The following CORO7 variants were observed in gnomAD, a reference collection of about 807,000 sequenced individuals.
CORO7 encodes coronin-7.
Under a neutral mutation model 126.6 loss-of-function variants are expected in CORO7, and 107 were observed. The ratio of observed to expected loss-of-function variants is 0.85; its 90% CI spans 0.72 to 0.99. The LOEUF (loss-of-function observed/expected upper bound fraction) is 0.99. Among genes scored for constraint, CORO7 ranks in the 50% least tolerant of loss-of-function variants. The pLI, the probability that CORO7 is intolerant of heterozygous loss-of-function variation, is 0.00. For synonymous variants in CORO7, 603 were observed against 536.8 expected (o/e 1.12, Z -1.70); for missense variants, 1,314 against 1,255.8 (o/e 1.05, Z -0.70).
chr16:4,376,745 C>T (rs1295618171), intron 9 of CORO7, among the ~76,000 whole-genome samples: 1 of 152,268 alleles, frequency 6.6e-6, no homozygotes, highest in Admixed American at 6.5e-5. Context: ...TCCCTGAAGT[C>T]CTGTGCTGAA....
intron 26 of CORO7, chr16:4,356,725 G>C (rs1451650307): frequency 4.8e-6 from 1 of 207,254 alleles, no homozygotes; most frequent in African/African-American, 2.4e-5. Context: ...GAACCACCGT[G>C]CCCGGCCTCA....
intron 7 of CORO7, among the ~76,000 whole-genome samples, chr16:4,390,299 T>C (rs1245084209): frequency 1.3e-5 from 2 of 152,168 alleles, no homozygotes; most frequent in Non-Finnish European, 2.9e-5. Flanking sequence ...AATTTACTTT[T>C]TTTTTTTAAC....
Position 4,395,264 on chromosome 16 carries a change from ACCCCAGCTTGC to A in CORO7, c.615+14_615+24del, listed in dbSNP as rs1411088374. ...TCAGCCTCAGTGGAGGCTTCAACCC[ACCCCAGCTTGC>A]CCACACAACTCACCTGAGAGGCCCG... On this transcript the variant is annotated intron_variant, in intron 7 of 27. Coordinates refer to ENST00000251166, the MANE Select transcript of CORO7 (RefSeq NM_024535.5). The A allele has an allele frequency of 6.2e-7, 1 of 1,613,390 alleles. No homozygotes were observed. The highest frequency in any genetic ancestry group is 1.7e-5 in the Admixed American group (1 of 59,952).
chr16:4,356,950 G>C, intron 26 of CORO7: 2 of 633,562 alleles, frequency 3.2e-6, no homozygotes, highest in Non-Finnish European at 5.4e-6. Flanking sequence ...GCTGGGTTTG[G>C]CCTGGCCAGG....
At chr16:4,384,058 C>T (rs997619018) in intron 9 of CORO7, among the ~76,000 whole-genome samples, 1 of 152,252 alleles carries the variant, frequency 6.6e-6, no homozygotes, top group Non-Finnish European at 1.5e-5. Context: ...TGCTCCCTGC[C>T]TCCTGCCCCT....
rs2054166107 is a variant in CORO7 at position 4,361,167 on chromosome 16, A to G, written c.1769T>C (p.Leu590Pro). The G allele has an allele frequency of 4.3e-6, 7 of 1,612,974 alleles. No individual in the cohort carries two copies. Among genetic ancestry groups the G allele is most frequent in the Non-Finnish European group, 5.1e-6 (6 of 1,180,004 alleles). Residue 590 changes from leucine to proline, a missense_variant, in exon 18 of 28, where the codon CTC becomes CCC. Leu to Pro is a moderately conservative substitution (Grantham distance 98). Transcript: ENST00000251166. ...EEVLTTPETVLTGHTEKICSL... is the reference protein window; with the variant it reads ...EEVLTTPETVPTGHTEKICSL... ...CATTCCTGAGCCTGCCTGACCTGTG[A>G]GCACAGTCTCTGGCGTGGTGAGCAC... is the stretch of plus-strand genomic sequence containing the variant.
At chr16:4,367,447 A>C (rs1374746156) in intron 9 of CORO7, among the ~76,000 whole-genome samples, 1 of 152,202 alleles carries the variant, frequency 6.6e-6, no homozygotes, top group Non-Finnish European at 1.5e-5. Context: ...CTCGACCTGC[A>C]TGTAGGTATG....
chr16:4,382,257 A>G (rs749184252), intron 9 of CORO7: 17 of 1,608,142 alleles, frequency 1.1e-5, no homozygotes, highest in Non-Finnish European at 1.4e-5. Flanking sequence ...CGCCGAGGCC[A>G]CCACGGTCCC....
Position 4,412,443 on chromosome 16 carries a change from C to T in CORO7, c.158-13G>A, listed in dbSNP as rs2141334763. 1 of 1,614,054 alleles carries T rather than the reference C, an allele frequency of 6.2e-7. No homozygotes were observed. Among genetic ancestry groups the T allele is most frequent in the Non-Finnish European group, 8.5e-7 (1 of 1,179,950 alleles). On this transcript the variant is annotated splice_polypyrimidine_tract_variant and intron_variant, in intron 2 of 27. Transcript: ENST00000251166. Reference sequence around the variant, plus strand: ...ATGCCCAGTACACCTGTTAAACAAACACGGGGACTCTGACTTCAGGCCCCA... The same window carrying T: ...ATGCCCAGTACACCTGTTAAACAAATACGGGGACTCTGACTTCAGGCCCCA...
Position 4,388,545 on chromosome 16 carries a change from C to T in CORO7, c.702G>A (p.Gln234=). 3 of 1,612,024 alleles carry T rather than the reference C, an allele frequency of 1.9e-6. No individual in the cohort carries two copies. In the South Asian group the frequency reaches 3.3e-5, roughly 18 times the overall value. ...WEHLVSTGFN[Q]MREREVKLWD... ...TGCTCCTCCAGGAGGAACCCCCTACCTGGTTGAATCCAGTAGACACAAGGT... is the reference window on the plus strand; with the variant it reads ...TGCTCCTCCAGGAGGAACCCCCTACTTGGTTGAATCCAGTAGACACAAGGT... The change falls in exon 8 of 28, where the codon CAG becomes CAA. Residue 234 remains glutamine (Q), a splice_region_variant and synonymous_variant. Coordinates refer to ENST00000251166, the MANE Select transcript of CORO7 (RefSeq NM_024535.5).
intron 9 of CORO7, among the ~76,000 whole-genome samples, chr16:4,386,747 C>T (rs1235109007): frequency 1.3e-5 from 2 of 152,218 alleles, no homozygotes; most frequent in Non-Finnish European, 2.9e-5. Context: ...ATGGGCCTTG[C>T]CAGCTTCTCA....
intron 1 of CORO7, chr16:4,415,909 G>A (rs2056391895): frequency 1.2e-5 from 12 of 985,750 alleles, no homozygotes; most frequent in South Asian, 4.7e-5. Flanking sequence ...AAGAGCTTGC[G>A]CCAGCGGCGA....
In CORO7 at chr16:4,361,382, C is replaced by T. The variant is rs201620163; in HGVS notation, c.1666G>A (p.Asp556Asn). The T allele has an allele frequency of 6.2e-7, 1 of 1,612,394 alleles. No homozygotes were observed. Among genetic ancestry groups the T allele is most frequent in the African/African-American group, 1.3e-5 (1 of 75,042 alleles). The change falls in exon 17 of 28, where the codon GAC becomes AAC. Residue 556 changes from aspartate to asparagine, a missense_variant. Coordinates refer to ENST00000251166, the MANE Select transcript of CORO7 (RefSeq NM_024535.5). ...AVTDLAWDPF[D>N]PHRLAVAGED... ...TTACCCACAGCGAGGCGATGGGGGT[C>T]AAAGGGGTCCCAGGCCAGATCAGTC...
Position 4,358,427 on chromosome 16 carries a change from C to T in CORO7, c.2397G>A (p.Arg799=). 6.2e-7 allele frequency: 1 copy of T among 1,612,346 alleles called. No homozygotes were observed. Among genetic ancestry groups the T allele is most frequent in the Non-Finnish European group, 8.5e-7 (1 of 1,179,542 alleles). Residue 799 remains arginine (R), a synonymous_variant, in exon 24 of 28, where the codon CGG becomes CGA. Coordinates refer to ENST00000251166, the MANE Select transcript of CORO7 (RefSeq NM_024535.5). ...ECDVREVELM[R]CLRLRQSSLE... ...GGGAGGACTGACGCAGCCGCAGGCA[C>T]CGCATCAGCTCCACTTCCCGCACGT... is the stretch of plus-strand genomic sequence containing the variant.
rs749972074 is a variant in CORO7, at chr16:4,416,504, C to A, written c.15G>T (p.Arg5Ser). 19 of 1,580,458 alleles carry A rather than the reference C, an allele frequency of 1.2e-5. 1 individual carries two copies. The African/African-American group carries it at 2.0e-4, about 16-fold the overall frequency. The change falls in exon 1 of 28, where the codon AGG becomes AGT. Residue 5 changes from arginine (R) to serine (S), a missense_variant. Coordinates refer to ENST00000251166, the MANE Select transcript of CORO7 (RefSeq NM_024535.5). Reference sequence around the variant, plus strand: ...CCTCGGTGTGCCGGAACTTGGACACCCTGAAGCGGTTCATGGCGACGGGCA... The same window carrying A: ...CCTCGGTGTGCCGGAACTTGGACACACTGAAGCGGTTCATGGCGACGGGCA... MNRF[R>S]VSKFRHTEAR...
At chr16:4,364,749 C>T (rs1166092271) in intron 12 of CORO7, 26 bp downstream of exon 12, 5 of 1,603,764 alleles carry the variant, frequency 3.1e-6, no homozygotes, top group Non-Finnish European at 4.3e-6. Context: ...CCAGCCCCCG[C>T]AGTCCCTCGC....
intron 7 of CORO7, among the ~76,000 whole-genome samples, chr16:4,393,330 C>T (rs534795440): frequency 6.6e-6 from 1 of 152,272 alleles, no homozygotes; most frequent in East Asian, 1.9e-4. Context: ...GTGAGGATAC[C>T]GTACACACCC....
intron 9 of CORO7, among the ~76,000 whole-genome samples, chr16:4,370,862 G>T (rs1418057454): frequency 1.3e-5 from 2 of 152,248 alleles, no homozygotes; most frequent in Non-Finnish European, 2.9e-5. Flanking sequence ...TTGGCTACAG[G>T]CCGGGCTGGA....
chr16:4,397,958 C>T (rs2055660992), intron 6 of CORO7, among the ~76,000 whole-genome samples: 1 of 151,226 alleles, frequency 6.6e-6, no homozygotes, highest in African/African-American at 2.4e-5. Flanking sequence ...GCTCTGTTGC[C>T]CAGGCCCAAG....
Sources: gnomAD v4.1 joint callset for allele counts (sites outside exome capture counted in the v4.1 genomes callset) on GRCh38, gnomAD v4.1.1 for gene constraint, MANE v1.5 for transcripts, NCBI Gene and HGNC (gene_info 2026-07-23, HGNC 2026-07-21) for gene names.